The following NRAS variants were observed in gnomAD, a reference collection of about 807,000 sequenced individuals.
The protein encoded by NRAS is NRAS proto-oncogene, GTPase.
NRAS carries 6 observed loss-of-function variants against 21.3 expected under a neutral mutation model. The observed-to-expected ratio is 0.28, with a 90% CI of 0.15 to 0.56. The LOEUF (loss-of-function observed/expected upper bound fraction) is 0.56, where lower values mean the gene tolerates loss of function less well. NRAS is among the 20% of genes least tolerant of loss of function. The pLI, the probability that NRAS is intolerant of heterozygous loss-of-function variation, is 0.93. For missense variants in NRAS, 143 were observed against 231.3 expected (o/e 0.62, Z 2.48); for synonymous variants, 84 against 82.0 (o/e 1.02, Z -0.13).
In NRAS at chr1:114,705,234, C is replaced by G. The variant is rs886045099; in HGVS notation, c.*2860G>C. 4 of 152,086 alleles carry G rather than the reference C, an allele frequency of 2.6e-5. No homozygotes were observed. Among genetic ancestry groups the G allele is most frequent in the African/African-American group, 9.7e-5 (4 of 41,402 alleles). The allele number at this position is 152,086 out of a possible 1,614,324, so 9.4% of individuals were successfully genotyped here. A position where few individuals can be genotyped will look rare whatever the true frequency, so the allele number is the denominator to read the frequency against. ...GATGGTGAAAGACTAAACATGGGCCCACTAAAATAGAGATTAATTTTACCT... is the reference window on the plus strand; with the variant it reads ...GATGGTGAAAGACTAAACATGGGCCGACTAAAATAGAGATTAATTTTACCT... On this transcript the variant is annotated 3_prime_UTR_variant, in exon 7 of 7. Transcript: ENST00000369535.
intron 3 of NRAS, among the ~76,000 whole-genome samples, chr1:114,710,042 T>A (rs1379251279): frequency 6.6e-6 from 1 of 151,022 alleles, no homozygotes; most frequent in Non-Finnish European, 1.5e-5. Flanking sequence ...AATACAAAAA[T>A]TAGCCAGGTG....
chr1:114,713,879 A>G lies in NRAS; in HGVS notation c.211T>C (p.Tyr71His). Residue 71 changes from tyrosine to histidine, a missense_variant, in exon 3 of 7, where the codon TAC (tyrosine) becomes CAC (histidine). By Grantham distance (83) the Tyr-to-His change is moderately conservative. Transcript: ENST00000369535. The stretch of plus-strand genomic sequence containing the variant: ...AGGAAGCCTTCGCCTGTCCTCATGT[A>G]TTGGTCTCTCATGGCACTGTACTCT... Reference protein sequence around the residue: ...QEEYSAMRDQYMRTGEGFLCV... With the variant: ...QEEYSAMRDQHMRTGEGFLCV... The G allele has an allele frequency of 6.2e-7, 1 of 1,613,494 alleles. No individual in the cohort carries two copies. Among genetic ancestry groups the G allele is most frequent in the Non-Finnish European group, 8.5e-7 (1 of 1,179,704 alleles).
chr1:114,709,301 A>G (rs1190410868), intron 4 of NRAS, among the ~76,000 whole-genome samples: 1 of 151,932 alleles, frequency 6.6e-6, no homozygotes, highest in Non-Finnish European at 1.5e-5. Flanking sequence ...GCCGGGCATG[A>G]TGATGTGCCC....
intron 2 of NRAS, 25 bp from the exon 3 acceptor site, chr1:114,714,003 CAGGG>C: frequency 3.2e-5 from 38 of 1,171,416 alleles, no homozygotes; most frequent in Middle Eastern, 2.1e-4. Context: ...GGTAAGGGGG[CAGGG>C]AGGGAGGGAA....
At chr1:114,711,556 G>C (rs1194514815) in intron 3 of NRAS, among the ~76,000 whole-genome samples, 1 of 146,998 alleles carries the variant, frequency 6.8e-6, no homozygotes, top group African/African-American at 2.5e-5. Context: ...AGCCGCGATC[G>C]CACCACCGTA....
Position 114,706,545 on chromosome 1 carries a change from C to T in NRAS, c.*1549G>A, listed in dbSNP as rs1484130731. 6.6e-6 allele frequency: 1 copy of T among 152,152 alleles called. No homozygotes were observed. Among genetic ancestry groups the T allele is most frequent in the Non-Finnish European group, 1.5e-5 (1 of 68,026 alleles). The allele number at this position is 152,152 out of a possible 1,614,324, so 9.4% of individuals were successfully genotyped here. ...CATTATGAATAAAGAGAATTTAAAACGTTTCTCAGCTGAGACATCCTCATT... is the reference window on the plus strand; with the variant it reads ...CATTATGAATAAAGAGAATTTAAAATGTTTCTCAGCTGAGACATCCTCATT... On this transcript the variant is annotated 3_prime_UTR_variant, in exon 7 of 7. Transcript: ENST00000369535.
At chr1:114,712,503 G>C (rs914686497) in intron 3 of NRAS, among the ~76,000 whole-genome samples, 1 of 151,928 alleles carries the variant, frequency 6.6e-6, no homozygotes, top group Non-Finnish European at 1.5e-5. Flanking sequence ...ATGACTTCTA[G>C]AAATTCAAAA....
At position 114,705,976 on chromosome 1, in the gene NRAS, A is replaced by G. The variant is rs745328505; in HGVS notation, c.*2118T>C. On this transcript the variant is annotated 3_prime_UTR_variant, in exon 7 of 7. Coordinates refer to ENST00000369535, the MANE Select transcript of NRAS (RefSeq NM_002524.5). Reference sequence around the variant, plus strand: ...ATCAAATTTAATAGATTTTTAAGAAAAAGAATCACTGCCAGTCACAGACAT... The same window carrying G: ...ATCAAATTTAATAGATTTTTAAGAAGAAGAATCACTGCCAGTCACAGACAT... The G allele has an allele frequency of 6.6e-6, 1 of 152,218 alleles. No homozygotes were observed. The highest frequency in any genetic ancestry group is 1.5e-5 in the Non-Finnish European group (1 of 68,034). The allele number at this position is 152,218 out of a possible 1,614,324, so 9.4% of individuals were successfully genotyped here.
chr1:114,716,212 G>T, intron 1 of NRAS, 35 bp from the exon 2 acceptor site: 2 of 1,178,268 alleles, frequency 1.7e-6, no homozygotes, highest in Non-Finnish European at 2.6e-6. Flanking sequence ...TAATTGGCGA[G>T]CCACATCTAC....
intron 5 of NRAS, 150 bp from the exon 6 acceptor site, chr1:114,708,342 C>T (rs1182154886): frequency 4.9e-6 from 3 of 616,802 alleles, no homozygotes; most frequent in Non-Finnish European, 8.7e-6. Flanking sequence ...ATAAAGATAC[C>T]TGTGGAATAA....
chr1:114,714,301 C>T (rs1659110366), intron 2 of NRAS, among the ~76,000 whole-genome samples: 1 of 152,170 alleles, frequency 6.6e-6, no homozygotes, highest in Non-Finnish European at 1.5e-5. Context: ...AGATTAAGTA[C>T]CCAGTGTATT....
chr1:114,709,467 A>C, intron 4 of NRAS, 102 bp downstream of exon 4: 1 of 999,514 alleles, frequency 1.0e-6, no homozygotes, highest in Non-Finnish European at 1.5e-6. Flanking sequence ...ATAAAAATGA[A>C]AAAAATGCAT....
intron 2 of NRAS, among the ~76,000 whole-genome samples, chr1:114,714,825 T>C (rs897763947): frequency 2.6e-5 from 4 of 152,218 alleles, no homozygotes; most frequent in African/African-American, 7.2e-5. Context: ...AAACATTTCA[T>C]GTAAAATATT....
intron 2 of NRAS, among the ~76,000 whole-genome samples, chr1:114,715,596 T>C (rs1432597187): frequency 1.3e-5 from 2 of 152,300 alleles, no homozygotes; most frequent in East Asian, 3.9e-4. Context: ...ACCAAAATCC[T>C]AGGCATAAAG....
chr1:114,715,823 G>GC (rs941029137), intron 2 of NRAS, among the ~76,000 whole-genome samples: 1 of 152,178 alleles, frequency 6.6e-6, no homozygotes, highest in African/African-American at 2.4e-5. Flanking sequence ...CACTGAGTTT[G>GC]CAATAGTTTA....
rs928147327 is a variant in NRAS, at chr1:114,706,969, GT to G, written c.*1124del. On this transcript the variant is annotated 3_prime_UTR_variant, in exon 7 of 7. Coordinates refer to ENST00000369535, the MANE Select transcript of NRAS (RefSeq NM_002524.5). Reference sequence around the variant, plus strand: ...ATGATATACAGTGAAAATGTAATTTGTTAATATACTATATTTGAGGTTTGAA... The same window carrying G: ...ATGATATACAGTGAAAATGTAATTTGTAATATACTATATTTGAGGTTTGAA... The G allele has an allele frequency of 6.6e-6, 1 of 152,592 alleles. No individual in the cohort carries two copies. The highest frequency in any genetic ancestry group is 2.4e-5 in the African/African-American group (1 of 41,432). 9.5% of individuals were successfully genotyped at this position (152,592 alleles called of 1,614,324 possible). A position where few individuals can be genotyped will look rare whatever the true frequency, so the allele number is the denominator to read the frequency against.
intron 2 of NRAS, 118 bp downstream of exon 2, chr1:114,715,932 T>C: frequency 2.7e-6 from 2 of 738,288 alleles, no homozygotes; most frequent in Non-Finnish European, 5.0e-6. Flanking sequence ...TAACTGAATG[T>C]ATACCCAAAA....
intron 4 of NRAS, 139 bp downstream of exon 4, chr1:114,709,430 G>T: frequency 1.4e-6 from 1 of 717,064 alleles, no homozygotes; most frequent in Non-Finnish European, 2.3e-6. Context: ...GTGAGACTCT[G>T]CCTAAAAAAA....
chr1:114,714,488 T>C (rs1251421923), intron 2 of NRAS, among the ~76,000 whole-genome samples: 1 of 152,244 alleles, frequency 6.6e-6, no homozygotes, highest in Non-Finnish European at 1.5e-5. Flanking sequence ...GATGTACCTT[T>C]GGGAAATATT....
Sources: gnomAD v4.1 joint callset for allele counts (sites outside exome capture counted in the v4.1 genomes callset) on GRCh38, gnomAD v4.1.1 for gene constraint, MANE v1.5 for transcripts, NCBI Gene and HGNC (gene_info 2026-07-23, HGNC 2026-07-21) for gene names.